The following HTT-AS variants were observed in gnomAD, a reference collection of about 807,000 sequenced individuals.
HTT-AS encodes HTT antisense RNA (head to head).
intron 1 of HTT-AS, among the ~76,000 whole-genome samples, chr4:3,073,788 C>T (rs1184607341): frequency 6.6e-6 from 1 of 151,998 alleles, no homozygotes; most frequent in Non-Finnish European, 1.5e-5. Flanking sequence ...CTGCGCTCTG[C>T]GCAGGAGCTC....
upstream of HTT-AS, chr4:3,074,602 C>A: frequency 2.5e-6 from 1 of 394,762 alleles, no homozygotes; most frequent in Non-Finnish European, 4.2e-6. Context: ...GTCAATCATG[C>A]TGGCCGGCGT....
chr4:3,055,032 A>G (rs998800947), intron 2 of HTT-AS, among the ~76,000 whole-genome samples: 4 of 152,012 alleles, frequency 2.6e-5, no homozygotes, highest in Non-Finnish European at 5.9e-5. Context: ...TTCTTAAAGC[A>G]CTGTTCTGCT....
At chr4:3,066,454 C>T (rs1012611220) in intron 1 of HTT-AS, among the ~76,000 whole-genome samples, 1 of 152,156 alleles carries the variant, frequency 6.6e-6, no homozygotes, top group South Asian at 2.1e-4. Flanking sequence ...AGGCGTGACC[C>T]ACCGTGCCCC....
chr4:3,063,027 C>T (rs1440058072), exon 2 of HTT-AS, among the ~76,000 whole-genome samples: 1 of 152,120 alleles, frequency 6.6e-6, no homozygotes, highest in African/African-American at 2.4e-5. Flanking sequence ...GGGGTCCTCC[C>T]TGGGGTTGGA....
At chr4:3,055,626 C>A (rs1711791900) in intron 2 of HTT-AS, among the ~76,000 whole-genome samples, 1 of 152,204 alleles carries the variant, frequency 6.6e-6, no homozygotes, top group Non-Finnish European at 1.5e-5. Flanking sequence ...AAGACTTCAC[C>A]ACTTTCCATG....
At chr4:3,071,694 AG>A (rs745957599) in intron 1 of HTT-AS, among the ~76,000 whole-genome samples, 3 of 152,152 alleles carry the variant, frequency 2.0e-5, no homozygotes, top group Non-Finnish European at 2.9e-5. Flanking sequence ...ATTTGGAGAC[AG>A]GTTCTTTAAG....
intron 1 of HTT-AS, among the ~76,000 whole-genome samples, chr4:3,069,142 C>T (rs28714390): frequency 0.058 from 8,767 of 150,146 alleles, 460 homozygotes; most frequent in African/African-American, 0.14. Flanking sequence ...GAGGAGACAA[C>T]GGTGTATGTT....
intron 1 of HTT-AS, among the ~76,000 whole-genome samples, chr4:3,069,320 T>C (rs1009260833): frequency 1.3e-5 from 2 of 151,282 alleles, no homozygotes; most frequent in Non-Finnish European, 2.9e-5. Flanking sequence ...TAATTTTTTT[T>C]TTTTTTTAAA....
intron 1 of HTT-AS, among the ~76,000 whole-genome samples, chr4:3,073,768 C>G (rs919496231): frequency 1.3e-5 from 2 of 152,198 alleles, no homozygotes; most frequent in Non-Finnish European, 2.9e-5. Context: ...GTGCCGACCA[C>G]GCGCATTCTC....
chr4:3,054,480 T>G (rs532046886), intron 2 of HTT-AS, among the ~76,000 whole-genome samples: 1 of 152,170 alleles, frequency 6.6e-6, no homozygotes, highest in Non-Finnish European at 1.5e-5. Context: ...AATGTGTTTT[T>G]GGTAAAAGAT....
chr4:3,053,191 G>A (rs1711745726), intron 2 of HTT-AS, among the ~76,000 whole-genome samples: 1 of 152,298 alleles, frequency 6.6e-6, no homozygotes, highest in East Asian at 1.9e-4. Flanking sequence ...ATCTTCTTCT[G>A]TCTGTCTGTG....
intron 1 of HTT-AS, among the ~76,000 whole-genome samples, chr4:3,071,103 T>C (rs1473830598): frequency 6.6e-6 from 1 of 152,200 alleles, no homozygotes; most frequent in Non-Finnish European, 1.5e-5. Flanking sequence ...GCAGTTGTGA[T>C]TTGTTGTGGC....
intron 2 of HTT-AS, among the ~76,000 whole-genome samples, chr4:3,049,955 C>CTT (rs59444704): frequency 2.3e-5 from 3 of 130,318 alleles, no homozygotes; most frequent in Admixed American, 8.4e-5. Context: ...CACATATACA[C>CTT]TTTTTTTTTT....
intron 1 of HTT-AS, among the ~76,000 whole-genome samples, chr4:3,072,420 G>C (rs548505064): frequency 1.3e-5 from 2 of 152,318 alleles, no homozygotes; most frequent in East Asian, 3.9e-4. Context: ...CTAGTCATGG[G>C]GTGACATTCC....
At chr4:3,054,710 TTTTC>T (rs112235951) in intron 2 of HTT-AS, among the ~76,000 whole-genome samples, 6 of 151,692 alleles carry the variant, frequency 4.0e-5, no homozygotes, top group South Asian at 4.1e-4. Context: ...CAGGGTTTTC[TTTTC>T]TTTCTATTTT....
chr4:3,047,807 TG>T (rs1268317754), downstream of HTT-AS, among the ~76,000 whole-genome samples: 1 of 152,226 alleles, frequency 6.6e-6, no homozygotes, highest in Non-Finnish European at 1.5e-5. Flanking sequence ...TTCACTTTCA[TG>T]TTCCGCTCTG....
At chr4:3,071,751 G>C (rs560378919) in intron 1 of HTT-AS, among the ~76,000 whole-genome samples, 5 of 152,084 alleles carry the variant, frequency 3.3e-5, no homozygotes, top group Admixed American at 1.3e-4. Flanking sequence ...GCCATAATCC[G>C]ACTGATGTCT....
chr4:3,049,082 C>G (rs1015557446), downstream of HTT-AS, among the ~76,000 whole-genome samples: 1 of 152,178 alleles, frequency 6.6e-6, no homozygotes, highest in African/African-American at 2.4e-5. Flanking sequence ...ATCGTCTTTT[C>G]ATTTCTATTA....
intron 2 of HTT-AS, among the ~76,000 whole-genome samples, chr4:3,059,747 A>AT (rs1711890080): frequency 6.6e-6 from 1 of 151,566 alleles, no homozygotes; most frequent in Non-Finnish European, 1.5e-5. Flanking sequence ...TAATTTTTGT[A>AT]TTTTTAGTAG....
Sources: gnomAD v4.1 joint callset for allele counts (sites outside exome capture counted in the v4.1 genomes callset) on GRCh38, gnomAD v4.1.1 for gene constraint, MANE v1.5 for transcripts, NCBI Gene and HGNC (gene_info 2026-07-23, HGNC 2026-07-21) for gene names.